ZMAT1: variants seen among roughly 807,000 people sequenced by gnomAD.
ZMAT1 encodes the protein zinc finger matrin-type protein 1.
ZMAT1 carries 11 observed loss-of-function variants against 18.5 expected under a neutral mutation model. That is an observed-to-expected ratio of 0.59 (90% CI 0.37 to 0.98). The LOEUF is 0.98. Among genes scored for constraint, ZMAT1 ranks in the 50% least tolerant of loss-of-function variants. ZMAT1 has a pLI of 0.01. For synonymous variants in ZMAT1, 211 were observed against 176.4 expected (o/e 1.20, Z -1.55); for missense variants, 525 against 496.2 (o/e 1.06, Z -0.55).
At chrX:101,884,996 C>T (rs1256678987) in intron 5 of ZMAT1, among the ~76,000 whole-genome samples, 175 bp from the exon 6 acceptor site, 1 of 111,369 alleles carries the variant, frequency 9.0e-6, no homozygotes, top group Non-Finnish European at 1.9e-5. Context: ...GTCAAAAAAG[C>T]ACATTGGACA....
intron 4 of ZMAT1, among the ~76,000 whole-genome samples, chrX:101,892,450 T>G (rs1378473257): frequency 9.0e-6 from 1 of 111,152 alleles, no homozygotes; most frequent in African/African-American, 3.3e-5. Flanking sequence ...TTTGATAAGA[T>G]TTGCTAATGG....
intron 4 of ZMAT1, among the ~76,000 whole-genome samples, chrX:101,890,485 G>A (rs764083089): frequency 1.8e-5 from 2 of 111,537 alleles, no homozygotes; most frequent in South Asian, 7.5e-4. Context: ...GTATGGCAGA[G>A]ACAGAAATCA....
At position 101,884,727 on chromosome X, in the gene ZMAT1, T is replaced by C. The variant is rs1409933651; in HGVS notation, c.871A>G (p.Arg291Gly). The C allele has an allele frequency of 1.7e-6, 2 of 1,210,985 alleles. No homozygotes were observed. Among genetic ancestry groups the C allele is most frequent in the Non-Finnish European group, 2.2e-6 (2 of 894,801 alleles). Residue 291 changes from arginine (R) to glycine (G), a missense_variant, in exon 6 of 6, where the codon AGA becomes GGA. By Grantham distance (125) the Arg-to-Gly change is moderately radical (BLOSUM62 -2). Transcript: ENST00000651725. The part of the protein sequence containing the change: ...CADYINVQKA[R>G]GLEAKTCFRK... ...AAACAAGTCTTGGCCTCTAGTCCTC[T>C]GGCTTTCTGCACATTGATGTAATCT...
Position 101,921,134 on chromosome X carries a change from G to A in ZMAT1, c.292+10583C>T, listed in dbSNP as rs760168858. ...CTGTGCTTTTAGCCTATATTTGGCC[G>A]TAATCTCTTAGTCAAACTAGTCATT... On this transcript the variant is annotated intron_variant, in intron 1 of 5. Transcript: ENST00000651725. 9.0e-5 allele frequency among the ~76,000 whole-genome samples: 10 copies of A among 111,282 alleles called. No individual in the cohort carries two copies. The South Asian group carries it at 2.3e-3, about 25-fold the overall frequency.
chrX:101,931,641 A>C, intron 1 of ZMAT1, 76 bp downstream of exon 1: 1 of 738,481 alleles, frequency 1.4e-6, no homozygotes, highest in Non-Finnish European at 1.6e-6. Context: ...AACCGCGCCC[A>C]GCCCAATCTC....
intron 2 of ZMAT1, among the ~76,000 whole-genome samples, chrX:101,901,024 C>T (rs1353105489): frequency 3.6e-5 from 4 of 111,071 alleles, no homozygotes; most frequent in African/African-American, 6.6e-5. Context: ...AGAGATCTTT[C>T]GACTCCTTGG....
At chrX:101,911,471 C>A in intron 1 of ZMAT1, 1 of 664,226 alleles carries the variant, frequency 1.5e-6, no homozygotes, top group Non-Finnish European at 2.2e-6. Context: ...AGAATAACTA[C>A]AACTTTTCAA....
chrX:101,903,680 T>G, intron 2 of ZMAT1, among the ~76,000 whole-genome samples: 1 of 111,805 alleles, frequency 8.9e-6, no homozygotes, highest in African/African-American at 3.2e-5. Context: ...ATACCAGTGA[T>G]TAGCCATGGA....
chrX:101,884,330 C>T lies in ZMAT1; in HGVS notation c.1268G>A (p.Arg423Gln). Residue 423 changes from arginine to glutamine, a missense_variant, in exon 6 of 6, where the codon CGA (arginine) becomes CAA (glutamine). Physicochemically the swap from Arg to Gln is conservative, Grantham distance 43. Transcript: ENST00000651725. ...TTCCACTGGTGAAATATGGTATGGT[C>T]GTTGGTAGGTCTGGGAAGCCTCATG... Reference protein sequence around the residue: ...FSHEASQTYQRPYHISPVESQ... With the variant: ...FSHEASQTYQQPYHISPVESQ... The T allele has an allele frequency of 1.7e-6, 2 of 1,210,586 alleles. No homozygotes were observed. Among genetic ancestry groups the T allele is most frequent in the Non-Finnish European group, 2.2e-6 (2 of 895,127 alleles).
chrX:101,918,211 G>T (rs753046291), intron 1 of ZMAT1, among the ~76,000 whole-genome samples: 2 of 111,049 alleles, frequency 1.8e-5, no homozygotes, highest in Admixed American at 1.9e-4. Context: ...GATAAATTAG[G>T]GGATGGATAC....
chrX:101,891,227 G>T (rs775711579), intron 4 of ZMAT1, among the ~76,000 whole-genome samples: 1 of 111,841 alleles, frequency 8.9e-6, no homozygotes, highest in Non-Finnish European at 1.9e-5. Flanking sequence ...AAAAGTTAGC[G>T]ACAGAATGAC....
At chrX:101,928,420 C>G (rs1451541138) in intron 1 of ZMAT1, among the ~76,000 whole-genome samples, 1 of 112,129 alleles carries the variant, frequency 8.9e-6, no homozygotes, top group Admixed American at 9.4e-5. Context: ...TGCAGTGGCA[C>G]TATCTCCGGT....
chrX:101,915,356 T>A (rs1489936436), intron 1 of ZMAT1, among the ~76,000 whole-genome samples: 1 of 108,958 alleles, frequency 9.2e-6, no homozygotes, highest in African/African-American at 3.3e-5. Context: ...AAAAAATATA[T>A]ATATATATAT....
intron 1 of ZMAT1, among the ~76,000 whole-genome samples, chrX:101,930,355 T>G (rs1259890978): frequency 1.8e-5 from 2 of 112,096 alleles, no homozygotes; most frequent in Admixed American, 1.9e-4. Flanking sequence ...CTAAATGGAG[T>G]CTTTCAAAGG....
chrX:101,911,558 C>G, intron 1 of ZMAT1: 1 of 1,134,277 alleles, frequency 8.8e-7, no homozygotes, highest in Non-Finnish European at 1.2e-6. Flanking sequence ...CGAATCCACA[C>G]AGGGGAGAAG....
chrX:101,895,901 G>A (rs1393140239), intron 4 of ZMAT1: 3 of 701,950 alleles, frequency 4.3e-6, no homozygotes. Context: ...GTTGTAATAA[G>A]AAGTGATAAA....
rs758833443 is a variant in ZMAT1 at position 101,929,390 on chromosome X, C to CAT, written c.292+2325_292+2326dup. Among the ~76,000 whole-genome samples, 149 of 91,295 alleles carry CAT rather than the reference C, an allele frequency of 1.6e-3. 1 individual carries two copies. The highest frequency in any genetic ancestry group is 5.7e-3 in the Middle Eastern group (1 of 175). The allele number at this position is 91,295 out of a possible 115,157, so 79.3% of individuals were successfully genotyped here. On this transcript the variant is annotated intron_variant, in intron 1 of 5. Transcript: ENST00000651725. ...CATCATAATTGACAACCATTTATGGCATATATATATATATTCTATATATAG... is the reference window on the plus strand; with the variant it reads ...CATCATAATTGACAACCATTTATGGCATATATATATATATATTCTATATATAG...
chrX:101,889,180 C>G (rs1022966334), intron 4 of ZMAT1: 2 of 111,347 alleles, frequency 1.8e-5, no homozygotes, highest in African/African-American at 6.5e-5. Context: ...GTTGTGTAAA[C>G]CCTTTCTGTG....
chrX:101,923,532 A>T (rs914074861), intron 1 of ZMAT1, among the ~76,000 whole-genome samples: 2 of 111,768 alleles, frequency 1.8e-5, no homozygotes, highest in Non-Finnish European at 3.8e-5. Context: ...AGTTAACACA[A>T]ACCTTTAAGG....
Sources: gnomAD v4.1 joint callset for allele counts (sites outside exome capture counted in the v4.1 genomes callset) on GRCh38, gnomAD v4.1.1 for gene constraint, MANE v1.5 for transcripts, NCBI Gene and HGNC (gene_info 2026-07-23, HGNC 2026-07-21) for gene names.